WDR49: variants seen among roughly 807,000 people sequenced by gnomAD.
WDR49 encodes cilia- and flagella-associated protein 337.
A neutral mutation model predicts 119.5 loss-of-function variants in WDR49; 107 were observed. That is an observed-to-expected ratio of 0.90 (90% CI 0.77 to 1.05). The LOEUF (loss-of-function observed/expected upper bound fraction) is 1.05. Ranked by LOEUF, WDR49 falls within the 50% of genes least tolerant of loss-of-function variation. WDR49 has a pLI of 0.00. For missense variants in WDR49, 1,240 were observed against 1,220.5 expected (o/e 1.02, Z -0.24); for synonymous variants, 425 against 418.8 (o/e 1.01, Z -0.18).
At position 167,576,031 on chromosome 3, in the gene WDR49, T is replaced by C; in HGVS notation, c.1396A>G (p.Ile466Val). ...AATGCTAGCTGGTTATTAAACGAGA[T>C]GAAAAGTCGTCCATGGGCTTCATCA... ...HFDEAHGRLFISFNNQLALLA... is the reference protein window; with the variant it reads ...HFDEAHGRLFVSFNNQLALLA... The change falls in exon 8 of 19, where the codon ATC (isoleucine) becomes GTC (valine). Residue 466 changes from isoleucine to valine, a missense_variant. Ile to Val is a conservative substitution (Grantham distance 29). Coordinates refer to ENST00000682715, the MANE Select transcript of WDR49 (RefSeq NM_001366157.1). The C allele has an allele frequency of 1.2e-6, 2 of 1,614,144 alleles. No individual in the cohort carries two copies. Among genetic ancestry groups the C allele is most frequent in the Non-Finnish European group, 8.5e-7 (1 of 1,180,010 alleles).
chr3:167,558,220 A>G (rs1713061264), intron 9 of WDR49, among the ~76,000 whole-genome samples: 1 of 152,192 alleles, frequency 6.6e-6, no homozygotes, highest in Admixed American at 6.5e-5. Flanking sequence ...ATATATTTTC[A>G]CTATATATCC....
chr3:167,571,343 G>C lies in WDR49; in HGVS notation c.1509+4575C>G, dbSNP rs1713928214. 2.6e-5 allele frequency among the ~76,000 whole-genome samples: 4 copies of C among 152,096 alleles called. No homozygotes were observed. The South Asian group carries it at 8.3e-4, about 32-fold the overall frequency. On this transcript the variant is annotated intron_variant, in intron 8 of 18. Transcript: ENST00000682715. ...TATCTCTTCATGTAACCAAGTATGT[G>C]ATTAATATATTAGAGGTTAGAAGCA...
chr3:167,543,023 A>G (rs991185272), intron 10 of WDR49, among the ~76,000 whole-genome samples: 3 of 152,076 alleles, frequency 2.0e-5, no homozygotes, highest in African/African-American at 7.2e-5. Context: ...ACCTTTATGC[A>G]TACAAACTGG....
chr3:167,488,194 C>CATAAAAAAT (rs1750999154), intron 18 of WDR49, among the ~76,000 whole-genome samples: 2 of 128,230 alleles, frequency 1.6e-5, no homozygotes, highest in East Asian at 4.9e-4. Context: ...ACACACACAC[C>CATAAAAAAT]ATGGAATACT....
intron 7 of WDR49, among the ~76,000 whole-genome samples, chr3:167,585,248 C>G (rs1378904125): frequency 6.6e-6 from 1 of 152,096 alleles, no homozygotes; most frequent in Non-Finnish European, 1.5e-5. Flanking sequence ...CAGACACTTT[C>G]ATATACCCCT....
intron 16 of WDR49, among the ~76,000 whole-genome samples, chr3:167,508,939 G>A (rs2108217575): frequency 6.6e-6 from 1 of 152,024 alleles, no homozygotes. Context: ...GAATAATTAG[G>A]TAATCAATAG....
At chr3:167,602,427 C>A in intron 6 of WDR49, 152 bp from the exon 7 acceptor site, 1 of 624,456 alleles carries the variant, frequency 1.6e-6, no homozygotes, top group Non-Finnish European at 2.6e-6. Context: ...TCTAACTAGA[C>A]CAGGCTAATA....
intron 10 of WDR49, among the ~76,000 whole-genome samples, chr3:167,550,481 G>C (rs1247961392): frequency 6.6e-6 from 1 of 151,790 alleles, no homozygotes; most frequent in Admixed American, 6.6e-5. Flanking sequence ...TCACTCAAAA[G>C]ATTCTCTTTT....
chr3:167,657,407 T>A (rs1428306481), upstream of WDR49, among the ~76,000 whole-genome samples: 1 of 152,114 alleles, frequency 6.6e-6, no homozygotes, highest in Non-Finnish European at 1.5e-5. Context: ...ATAAATCTAA[T>A]GATAAAACTG....
chr3:167,598,507 A>T (rs1433006377), intron 7 of WDR49, among the ~76,000 whole-genome samples: 1 of 152,072 alleles, frequency 6.6e-6, no homozygotes, highest in South Asian at 2.1e-4. Flanking sequence ...GTGAGTTCTC[A>T]TGAGATCTTA....
chr3:167,596,074 C>G (rs1715416233), intron 7 of WDR49, among the ~76,000 whole-genome samples: 1 of 147,526 alleles, frequency 6.8e-6, no homozygotes, highest in African/African-American at 2.5e-5. Flanking sequence ...TGAACAGACA[C>G]TTCTCAAAAG....
chr3:167,622,574 A>T (rs1350453572), intron 3 of WDR49, among the ~76,000 whole-genome samples: 2 of 152,154 alleles, frequency 1.3e-5, no homozygotes, highest in Non-Finnish European at 1.5e-5. Context: ...TACAGAAGCA[A>T]AAACTAAAAT....
intron 5 of WDR49, among the ~76,000 whole-genome samples, chr3:167,606,501 G>A (rs927411990): frequency 6.6e-6 from 1 of 152,162 alleles, no homozygotes; most frequent in African/African-American, 2.4e-5. Context: ...TTAGGCTTCT[G>A]TTTTAAGCTT....
intron 10 of WDR49, among the ~76,000 whole-genome samples, chr3:167,543,407 C>A (rs992575647): frequency 2.0e-5 from 3 of 152,060 alleles, no homozygotes; most frequent in Admixed American, 2.0e-4. Flanking sequence ...TACTAGCCAA[C>A]TAAATCCAAC....
rs116044524 is a variant in WDR49 at position 167,645,572 on chromosome 3, T to A, written c.165+7689A>T. On this transcript the variant is annotated intron_variant, in intron 2 of 18. Coordinates refer to ENST00000682715, the MANE Select transcript of WDR49 (RefSeq NM_001366157.1). ...AATCATAAAAATAAATGAAATTTTA[T>A]ATGGCTGGCTATACCCTCCTTTTTT... Among the ~76,000 whole-genome samples the A allele has an allele frequency of 4.0e-3, 614 of 152,278 alleles. 2 individuals carry two copies. The highest frequency in any genetic ancestry group is 0.014 in the African/African-American group (590 of 41,576).
chr3:167,633,469 A>G (rs1270084377), intron 2 of WDR49: 1 of 456,260 alleles, frequency 2.2e-6, no homozygotes, highest in Non-Finnish European at 4.4e-6. Context: ...CATGTGAGTA[A>G]TCCCAGCTTC....
At position 167,532,995 on chromosome 3, in the gene WDR49, G is replaced by T. The variant is rs1752902872; in HGVS notation, c.1955-18C>A. On this transcript the variant is annotated intron_variant, in intron 11 of 18. Coordinates refer to ENST00000682715, the MANE Select transcript of WDR49 (RefSeq NM_001366157.1). ...ATAACTCCCTACACAAGACAGGATG[G>T]AGAATATAAATTGCCAGGAGATTAA... The T allele has an allele frequency of 1.3e-6, 2 of 1,522,272 alleles. No homozygotes were observed. The highest frequency in any genetic ancestry group is 1.3e-5 in the South Asian group (1 of 78,960). 94.3% of individuals were successfully genotyped at this position (1,522,272 alleles called of 1,614,324 possible). A position where few individuals can be genotyped will look rare whatever the true frequency, so the allele number is the denominator to read the frequency against.
intron 2 of WDR49, among the ~76,000 whole-genome samples, chr3:167,650,340 T>C (rs1298282816): frequency 6.6e-6 from 1 of 152,200 alleles, no homozygotes; most frequent in Non-Finnish European, 1.5e-5. Context: ...TTGTAAGTGC[T>C]ACAGGGAAGT....
At chr3:167,585,053 A>G (rs1329269741) in intron 7 of WDR49, among the ~76,000 whole-genome samples, 2 of 152,088 alleles carry the variant, frequency 1.3e-5, no homozygotes, top group Non-Finnish European at 2.9e-5. Flanking sequence ...AAAGTTTTAA[A>G]TATTTATAAT....
Sources: allele counts gnomAD v4.1 joint callset (sites outside exome capture counted in the v4.1 genomes callset), GRCh38; gene constraint gnomAD v4.1.1; transcripts MANE v1.5; gene names NCBI Gene and HGNC (gene_info 2026-07-23, HGNC 2026-07-21).